The following ITPR1 variants were observed in gnomAD, a reference collection of about 807,000 sequenced individuals.
The protein encoded by ITPR1 is inositol 1,4,5-trisphosphate receptor type 1, also known as inositol 1,4,5-trisphosphate-gated calcium channel ITPR1.
In ITPR1, 96 loss-of-function variants were observed where a neutral mutation model predicts 318.4. That is an observed-to-expected ratio of 0.30 (90% CI 0.26 to 0.36). The LOEUF is 0.36. Ranked by LOEUF, ITPR1 falls within the 10% of genes least tolerant of loss-of-function variation. The pLI, the probability that ITPR1 is intolerant of heterozygous loss-of-function variation, is 1.00. For synonymous variants in ITPR1, 1,312 were observed against 1,289.9 expected (o/e 1.02, Z -0.37); for missense variants, 2,440 against 3,460.2 (o/e 0.71, Z 7.40).
At chr3:4,726,018 C>T (rs1559779480) in intron 41 of ITPR1, among the ~76,000 whole-genome samples, 2 of 152,070 alleles carry the variant, frequency 1.3e-5, no homozygotes, top group African/African-American at 4.8e-5. Context: ...TGTAATTTTG[C>T]AATGCACTTT....
intron 4 of ITPR1, among the ~76,000 whole-genome samples, chr3:4,617,027 T>G (rs1048962678): frequency 6.6e-6 from 1 of 151,970 alleles, no homozygotes; most frequent in Non-Finnish European, 1.5e-5. Context: ...TCAGAGAACC[T>G]ATGTGAGAAT....
At chr3:4,507,049 A>T (rs565070867) in intron 2 of ITPR1, among the ~76,000 whole-genome samples, 1 of 152,240 alleles carries the variant, frequency 6.6e-6, no homozygotes, top group Non-Finnish European at 1.5e-5. Flanking sequence ...ACATATTTTT[A>T]ATGAACAATA....
At chr3:4,707,643 T>G (rs976071426) in intron 37 of ITPR1, among the ~76,000 whole-genome samples, 2 of 152,168 alleles carry the variant, frequency 1.3e-5, no homozygotes, top group African/African-American at 4.8e-5. Context: ...AGTGTCACAT[T>G]GTAAGAAGAA....
At chr3:4,582,460 T>C (rs1389344246) in intron 4 of ITPR1, among the ~76,000 whole-genome samples, 1 of 152,192 alleles carries the variant, frequency 6.6e-6, no homozygotes. Flanking sequence ...TCCATGTGTA[T>C]GCACTCAGCC....
At chr3:4,494,806 C>G (rs2080424948) in intron 2 of ITPR1, among the ~76,000 whole-genome samples, 1 of 152,186 alleles carries the variant, frequency 6.6e-6, no homozygotes, top group Non-Finnish European at 1.5e-5. Flanking sequence ...GAAAAGCATG[C>G]TGATGATTTA....
chr3:4,699,573 C>T (rs569211519), intron 34 of ITPR1, among the ~76,000 whole-genome samples: 2 of 152,236 alleles, frequency 1.3e-5, no homozygotes, highest in African/African-American at 4.8e-5. Context: ...CAAGCGGTGG[C>T]CTTGTTGGTC....
rs1028089472 is a variant in ITPR1, at chr3:4,642,368, G to C, written c.525+117G>C. The stretch of plus-strand genomic sequence containing the variant: ...GAACCAGAGGCTTGTCCTGTGTAAA[G>C]AGAAGGGAATTGCTATGGAAACTAG... On this transcript the variant is annotated intron_variant, in intron 7 of 61. Transcript: ENST00000649015. 5 of 711,716 alleles carry C rather than the reference G, an allele frequency of 7.0e-6. No individual in the cohort carries two copies. In the African/African-American group the frequency reaches 7.3e-5, roughly 10 times the overall value. The allele number at this position is 711,716 out of a possible 1,614,324, so 44.1% of individuals were successfully genotyped here.
At chr3:4,713,953 TGTC>T (rs1293595383) in intron 39 of ITPR1, among the ~76,000 whole-genome samples, 4 of 152,202 alleles carry the variant, frequency 2.6e-5, no homozygotes, top group African/African-American at 4.8e-5. Context: ...CTGCAAGACT[TGTC>T]GTGCTTCTGG....
At position 4,836,878 on chromosome 3, in the gene ITPR1, G is replaced by A; in HGVS notation, c.8133G>A (p.Glu2711=). The change falls in exon 61 of 62, where the codon GAG becomes GAA. Residue 2711 remains glutamate (E), a synonymous_variant. Coordinates refer to ENST00000649015, the MANE Select transcript of ITPR1 (RefSeq NM_001378452.1). The part of the protein sequence containing the change: ...NELRNLQEKL[E]STMKLVTNLS... Reference sequence around the variant, plus strand: ...TGAGAAACCTGCAGGAGAAGCTGGAGTCCACCATGAAACTTGTCACGAACC... The same window carrying A: ...TGAGAAACCTGCAGGAGAAGCTGGAATCCACCATGAAACTTGTCACGAACC... 1.3e-6 allele frequency: 2 copies of A among 1,597,612 alleles called. No homozygotes were observed. Among genetic ancestry groups the A allele is most frequent in the Non-Finnish European group, 1.7e-6 (2 of 1,168,360 alleles).
chr3:4,779,247 G>A lies in ITPR1; in HGVS notation c.6292-303G>A, dbSNP rs899828420. ...TGACAGTGTATCCGTAAGCACCCAC[G>A]TGTAAATTCCCAATTTCTTCTAGGA... is the stretch of plus-strand genomic sequence containing the variant. On this transcript the variant is annotated intron_variant, in intron 48 of 61. Transcript: ENST00000649015. This position sits in a 1 kb window ranked among gnomAD's most constrained non-coding sequence, Gnocchi z 4.0. Among the ~76,000 whole-genome samples the A allele has an allele frequency of 1.3e-5, 2 of 152,214 alleles. No homozygotes were observed. The highest frequency in any genetic ancestry group is 1.3e-4 in the Admixed American group (2 of 15,284).
At position 4,759,420 on chromosome 3, in the gene ITPR1, C is replaced by T. The variant is rs999615370; in HGVS notation, c.5545-7110C>T. 2.0e-5 allele frequency among the ~76,000 whole-genome samples: 3 copies of T among 152,202 alleles called. No individual in the cohort carries two copies. In the South Asian group the frequency reaches 6.2e-4, roughly 31 times the overall value. On this transcript the variant is annotated intron_variant, in intron 44 of 61. Transcript: ENST00000649015. ...TTATCAGAAGGTAAGAATGTAAACT[C>T]GGGTTGTAGTTTCAACCAGCCACAC...
At chr3:4,611,231 C>CA (rs748883296) in intron 4 of ITPR1, among the ~76,000 whole-genome samples, 5,345 of 100,736 alleles carry the variant, frequency 0.053, 625 homozygotes, top group African/African-American at 0.22. Flanking sequence ...CTCATCTCTA[C>CA]AAAAAAAAAA....
In ITPR1 at chr3:4,680,704, G is replaced by A. The variant is rs374750708; in HGVS notation, c.3106+13G>A. 968 of 1,600,936 alleles carry A rather than the reference G, an allele frequency of 6.0e-4. 1 individual carries two copies. The highest frequency in any genetic ancestry group is 6.1e-4 in the Non-Finnish European group (714 of 1,173,156). On this transcript the variant is annotated intron_variant, in intron 25 of 61. Coordinates refer to ENST00000649015, the MANE Select transcript of ITPR1 (RefSeq NM_001378452.1). The stretch of plus-strand genomic sequence containing the variant: ...AGTAATGTACCAGGTTAGTGATTCA[G>A]AATGGAATTTCAGCCATAGAATGGG...
In ITPR1 at chr3:4,669,693, C is replaced by T. The variant is rs61757106; in HGVS notation, c.1926C>T (p.Asn642=). Reference sequence around the variant, plus strand: ...TCTCCGACCTCTGTGTCTCCATGAACAAATCAATTCCAGTGACCCAGGAAC... The same window carrying T: ...TCTCCGACCTCTGTGTCTCCATGAATAAATCAATTCCAGTGACCCAGGAAC... The part of the protein sequence containing the change: ...DYLSDLCVSM[N]KSIPVTQELI... The change falls in exon 19 of 62, where the codon AAC becomes AAT. Residue 642 remains asparagine (N), a synonymous_variant. Coordinates refer to ENST00000649015, the MANE Select transcript of ITPR1 (RefSeq NM_001378452.1). 541 of 1,613,156 alleles carry T rather than the reference C, an allele frequency of 3.4e-4. 3 individuals are homozygous for T. The Admixed American group carries it at 4.6e-3, about 14-fold the overall frequency.
chr3:4,801,722 C>A (rs963799669), intron 54 of ITPR1, among the ~76,000 whole-genome samples: 1 of 151,846 alleles, frequency 6.6e-6, no homozygotes, highest in Non-Finnish European at 1.5e-5. Flanking sequence ...TAAGATGGCA[C>A]CACTGCACTC....
chr3:4,797,798 C>G (rs2047989929), intron 53 of ITPR1, among the ~76,000 whole-genome samples: 1 of 152,174 alleles, frequency 6.6e-6, no homozygotes, highest in Non-Finnish European at 1.5e-5. Context: ...ACTATATTTT[C>G]TGAAACATTT....
At chr3:4,585,851 T>C (rs1040299873) in intron 4 of ITPR1, among the ~76,000 whole-genome samples, 11 of 152,198 alleles carry the variant, frequency 7.2e-5, no homozygotes, top group African/African-American at 1.9e-4. Context: ...TCACGTGCCA[T>C]GGTGGCTTGC....
chr3:4,789,771 C>T (rs919325420), intron 52 of ITPR1, among the ~76,000 whole-genome samples: 1 of 152,170 alleles, frequency 6.6e-6, no homozygotes, highest in African/African-American at 2.4e-5. Flanking sequence ...AGGCACATGC[C>T]ACCATGGCTG....
chr3:4,825,145 C>T (rs566223260), intron 60 of ITPR1, among the ~76,000 whole-genome samples: 3 of 152,340 alleles, frequency 2.0e-5, no homozygotes, highest in Non-Finnish European at 2.9e-5. Flanking sequence ...GTTTTTCTCA[C>T]AGTGGGGGTA....
Sources: allele counts gnomAD v4.1 joint callset (sites outside exome capture counted in the v4.1 genomes callset), GRCh38; gene constraint gnomAD v4.1.1; non-coding constraint Gnocchi (gnomAD v3.1); transcripts MANE v1.5; gene names NCBI Gene and HGNC (gene_info 2026-07-23, HGNC 2026-07-21).